Variants in UTP20 observed in about 807,000 individuals in gnomAD.
UTP20 encodes the protein UTP20 small subunit processome component.
A neutral mutation model predicts 329.5 loss-of-function variants in UTP20; 164 were observed. The ratio of observed to expected loss-of-function variants is 0.50; its 90% CI spans 0.44 to 0.57. The LOEUF is 0.57. Among genes scored for constraint, UTP20 ranks in the 20% least tolerant of loss-of-function variants. UTP20 has a pLI of 0.00. For synonymous variants in UTP20, 1,151 were observed against 1,159.3 expected (o/e 0.99, Z 0.14); for missense variants, 3,055 against 3,284.2 (o/e 0.93, Z 1.71).
intron 2 of UTP20, among the ~76,000 whole-genome samples, chr12:101,284,631 G>A (rs1189609880): frequency 1.3e-5 from 2 of 151,980 alleles, no homozygotes; most frequent in African/African-American, 2.4e-5. Flanking sequence ...ACACACATAC[G>A]TACATGTATA....
chr12:101,348,384 T>C (rs1869401988), intron 38 of UTP20, among the ~76,000 whole-genome samples: 1 of 152,126 alleles, frequency 6.6e-6, no homozygotes, highest in Non-Finnish European at 1.5e-5. Flanking sequence ...ATTGTACTTG[T>C]TGAGATTTTA....
chr12:101,379,624 C>T (rs1870580876), intron 57 of UTP20, 66 bp downstream of exon 57: 1 of 1,515,258 alleles, frequency 6.6e-7, no homozygotes, highest in South Asian at 1.3e-5. Context: ...GTTCATGTAA[C>T]TATCTTCGGG....
chr12:101,356,567 A>G lies in UTP20; in HGVS notation c.5408A>G (p.Glu1803Gly). 2 of 1,611,278 alleles carry G rather than the reference A, an allele frequency of 1.2e-6. No homozygotes were observed. Among genetic ancestry groups the G allele is most frequent in the Non-Finnish European group, 1.7e-6 (2 of 1,179,046 alleles). Residue 1803 changes from glutamate to glycine, a missense_variant, in exon 42 of 62, where the codon GAA (glutamate) becomes GGA (glycine). Coordinates refer to ENST00000261637, the MANE Select transcript of UTP20 (RefSeq NM_014503.3). ...KCLASTTKREEEHKLVKSKVV... is the reference protein window; with the variant it reads ...KCLASTTKREGEHKLVKSKVV... The stretch of plus-strand genomic sequence containing the variant: ...TTTTTCTTACAGACTAAAAGGGAAG[A>G]AGAACACAAGCTTGTCAAGTCAAAG...
intron 31 of UTP20, 36 bp from the exon 32 acceptor site, chr12:101,340,487 A>C (rs765440232): frequency 7.7e-7 from 1 of 1,302,434 alleles, no homozygotes; most frequent in Middle Eastern, 1.8e-4. Context: ...ATATCCTTGT[A>C]TATGTTCCTT....
intron 2 of UTP20, among the ~76,000 whole-genome samples, chr12:101,284,584 GT>G (rs1242650494): frequency 6.6e-6 from 1 of 152,042 alleles, no homozygotes; most frequent in Non-Finnish European, 1.5e-5. Flanking sequence ...TAGAATGATT[GT>G]TTTGGGGGGG....
intron 38 of UTP20, 118 bp downstream of exon 38, chr12:101,346,706 G>A (rs1429862045): frequency 2.6e-5 from 27 of 1,055,670 alleles, no homozygotes; most frequent in African/African-American, 3.3e-5. Flanking sequence ...TAGAGGTTTA[G>A]AATAGTTCTA....
chr12:101,379,228 C>A, intron 56 of UTP20, 143 bp from the exon 57 acceptor site: 1 of 633,242 alleles, frequency 1.6e-6, no homozygotes, highest in Non-Finnish European at 2.6e-6. Context: ...CCCCTGCCCC[C>A]ACTTCCCAGC....
At chr12:101,362,086 A>T in intron 44 of UTP20, 26 bp downstream of exon 44, 2 of 1,545,226 alleles carry the variant, frequency 1.3e-6, no homozygotes, top group East Asian at 2.3e-5. Flanking sequence ...ACGAATTCTA[A>T]TTTTTTTTTA....
At chr12:101,375,216 G>A (rs1426764035) in intron 55 of UTP20, among the ~76,000 whole-genome samples, 7 of 151,914 alleles carry the variant, frequency 4.6e-5, no homozygotes, top group African/African-American at 7.3e-5. Flanking sequence ...CAGGAGGACC[G>A]TGCCACTGTA....
At chr12:101,355,252 T>A in intron 41 of UTP20, 134 bp downstream of exon 41, 1 of 988,954 alleles carries the variant, frequency 1.0e-6, no homozygotes, top group Non-Finnish European at 1.5e-6. Flanking sequence ...ACTTCACAAT[T>A]CACCCCTCTA....
chr12:101,352,432 G>A (rs1169454673), intron 39 of UTP20, among the ~76,000 whole-genome samples: 1 of 152,116 alleles, frequency 6.6e-6, no homozygotes, highest in African/African-American at 2.4e-5. Context: ...GGATGGCTGG[G>A]TCAAATGGTA....
intron 23 of UTP20, among the ~76,000 whole-genome samples, chr12:101,320,578 G>A (rs1471328683): frequency 3.3e-5 from 5 of 151,844 alleles, no homozygotes; most frequent in Non-Finnish European, 7.4e-5. Context: ...GAAAGAGAGA[G>A]AGGATTGGCC....
intron 11 of UTP20, 145 bp from the exon 12 acceptor site, chr12:101,295,334 AG>A: frequency 1.5e-6 from 1 of 684,154 alleles, no homozygotes; most frequent in Middle Eastern, 4.3e-4. Flanking sequence ...ATGGCTGCAC[AG>A]TCTTTAGTTT....
intron 5 of UTP20, among the ~76,000 whole-genome samples, chr12:101,287,575 C>G (rs960085699): frequency 2.0e-5 from 3 of 152,210 alleles, no homozygotes; most frequent in African/African-American, 7.2e-5. Flanking sequence ...TACATTCATT[C>G]AAGTGTTCAG....
rs143659522 is a variant in UTP20, at chr12:101,379,380, A to G, written c.7406A>G (p.His2469Arg). The G allele has an allele frequency of 1.1e-4, 183 of 1,606,558 alleles. 1 individual carries two copies. In the African/African-American group the frequency reaches 2.1e-3, roughly 18 times the overall value. Residue 2469 changes from histidine (H) to arginine (R), a missense_variant, in exon 57 of 62, where the codon CAT (histidine) becomes CGT (arginine). Transcript: ENST00000261637. ...TTTTTGGTTCCCTTAGGTCATGTGC[A>G]TTCTCACCTGAGACATCCACACAAC... is the stretch of plus-strand genomic sequence containing the variant. ...ETLSKIWSHV[H>R]SHLRHPHNWV...
chr12:101,311,641 C>T (rs908729344), intron 19 of UTP20, 78 bp from the exon 20 acceptor site: 6 of 1,234,126 alleles, frequency 4.9e-6, no homozygotes, highest in Non-Finnish European at 6.7e-6. Context: ...TATCCTTTCA[C>T]TCTTTTTTTT....
At chr12:101,377,358 G>A (rs962208609) in intron 56 of UTP20, among the ~76,000 whole-genome samples, 12 of 151,964 alleles carry the variant, frequency 7.9e-5, no homozygotes. Flanking sequence ...TTGAGATGGA[G>A]TCTCACTCTG....
chr12:101,361,494 CG>C (rs1311242300), intron 43 of UTP20, among the ~76,000 whole-genome samples: 1 of 151,834 alleles, frequency 6.6e-6, no homozygotes, highest in East Asian at 1.9e-4. Flanking sequence ...GTCACGATGC[CG>C]GGTGACTGTA....
intron 31 of UTP20, 110 bp downstream of exon 31, chr12:101,339,067 C>G (rs1481423391): frequency 8.7e-7 from 1 of 1,151,382 alleles, no homozygotes; most frequent in African/African-American, 1.6e-5. Context: ...AATCCCAGCA[C>G]TTTGGGAGGC....
Sources: gnomAD v4.1 joint callset for allele counts (sites outside exome capture counted in the v4.1 genomes callset) on GRCh38, gnomAD v4.1.1 for gene constraint, MANE v1.5 for transcripts, NCBI Gene and HGNC (gene_info 2026-07-23, HGNC 2026-07-21) for gene names.